The following BMAL2 variants were observed in gnomAD, a reference collection of about 807,000 sequenced individuals.
BMAL2 encodes the protein basic helix-loop-helix ARNT like 2.
chr12:27,345,056 A>C, the BMAL2 span, among the ~76,000 whole-genome samples: 1 of 152,198 alleles, frequency 6.6e-6, no homozygotes, highest in South Asian at 2.1e-4. Flanking sequence ...TTTCTGCCTC[A>C]AACTCTTTTA....
At chr12:27,366,915 A>G in the BMAL2 span, among the ~76,000 whole-genome samples, 1 of 152,232 alleles carries the variant, frequency 6.6e-6, no homozygotes, top group African/African-American at 2.4e-5. Flanking sequence ...TTATGTCACA[A>G]TGACACATAA....
chr12:27,400,640 T>C, the BMAL2 span: 1 of 1,613,824 alleles, frequency 6.2e-7, no homozygotes, highest in East Asian at 2.2e-5. Context: ...ACAACAGTAA[T>C]TTTACCTGCC....
the BMAL2 span, chr12:27,380,361 TAC>T: frequency 1.2e-6 from 2 of 1,614,142 alleles, no homozygotes; most frequent in South Asian, 1.1e-5. Flanking sequence ...TGGACAAACT[TAC>T]AGTTTTAAGA....
At chr12:27,381,579 G>A in the BMAL2 span, among the ~76,000 whole-genome samples, 2 of 152,086 alleles carry the variant, frequency 1.3e-5, no homozygotes, top group Admixed American at 6.6e-5. Flanking sequence ...CCACAAGCAT[G>A]ATCCAGTCAC....
At chr12:27,334,039 A>C in the BMAL2 span, among the ~76,000 whole-genome samples, 1 of 152,218 alleles carries the variant, frequency 6.6e-6, no homozygotes, top group Non-Finnish European at 1.5e-5. Flanking sequence ...TTTTGGAATA[A>C]GATGATAGAG....
At chr12:27,405,137 A>AGGCC in the BMAL2 span, among the ~76,000 whole-genome samples, 24 of 152,280 alleles carry the variant, frequency 1.6e-4, 1 homozygote, top group South Asian at 4.4e-3. Flanking sequence ...CAGCTCAAGG[A>AGGCC]AGCCTGCCTG....
At chr12:27,360,691 TCAAA>T in the BMAL2 span, among the ~76,000 whole-genome samples, 9 of 150,578 alleles carry the variant, frequency 6.0e-5, no homozygotes, top group Non-Finnish European at 1.0e-4. Flanking sequence ...CTTCTGGTTT[TCAAA>T]CAGATTTGTG....
At chr12:27,352,304 T>TTCC in the BMAL2 span, among the ~76,000 whole-genome samples, 3 of 152,240 alleles carry the variant, frequency 2.0e-5, no homozygotes, top group Non-Finnish European at 4.4e-5. Flanking sequence ...CCTAAACTTT[T>TTCC]TGAGTACTGG....
At chr12:27,420,019 G>GCACGCA in the BMAL2 span, among the ~76,000 whole-genome samples, 176 of 147,568 alleles carry the variant, frequency 1.2e-3, no homozygotes, top group Non-Finnish European at 2.2e-3. Context: ...GTTTGCGCGT[G>GCACGCA]CACACACACA....
At chr12:27,338,251 A>T in the BMAL2 span, among the ~76,000 whole-genome samples, 1 of 152,232 alleles carries the variant, frequency 6.6e-6, no homozygotes, top group African/African-American at 2.4e-5. Flanking sequence ...GGGGTTAAAG[A>T]GCTTACAAAA....
the BMAL2 span, among the ~76,000 whole-genome samples, chr12:27,337,953 GTTT>G: frequency 6.6e-6 from 1 of 152,012 alleles, no homozygotes; most frequent in Non-Finnish European, 1.5e-5. Context: ...TCACACTGTA[GTTT>G]TTTTGTGTGC....
At chr12:27,402,853 T>C in the BMAL2 span, among the ~76,000 whole-genome samples, 56,715 of 152,028 alleles carry the variant, frequency 0.37, 11,225 homozygotes, top group East Asian at 0.59. Context: ...CAACGGGAAA[T>C]AGATATCCCA....
the BMAL2 span, among the ~76,000 whole-genome samples, chr12:27,391,986 C>T: frequency 6.6e-6 from 1 of 152,146 alleles, no homozygotes; most frequent in African/African-American, 2.4e-5. Context: ...CAGATTTTAG[C>T]TCTACGACTT....
At chr12:27,381,502 G>A in the BMAL2 span, among the ~76,000 whole-genome samples, 1 of 152,066 alleles carries the variant, frequency 6.6e-6, no homozygotes, top group Non-Finnish European at 1.5e-5. Flanking sequence ...TAGGGGAGGT[G>A]CCACACACTT....
At chr12:27,353,715 C>T in the BMAL2 span, among the ~76,000 whole-genome samples, 1 of 151,846 alleles carries the variant, frequency 6.6e-6, no homozygotes, top group Non-Finnish European at 1.5e-5. Context: ...AGAACTTAAA[C>T]AAATCAACCA....
At chr12:27,356,202 G>A in the BMAL2 span, among the ~76,000 whole-genome samples, 4 of 152,136 alleles carry the variant, frequency 2.6e-5, no homozygotes, top group African/African-American at 9.7e-5. Flanking sequence ...CTGTTTAGGC[G>A]AAGGTGGAAT....
the BMAL2 span, among the ~76,000 whole-genome samples, chr12:27,371,382 G>C: frequency 6.6e-6 from 1 of 152,022 alleles, no homozygotes; most frequent in African/African-American, 2.4e-5. Flanking sequence ...GAGAGAAGAA[G>C]AGAGTCTACA....
the BMAL2 span, among the ~76,000 whole-genome samples, chr12:27,381,006 TATTA>T: frequency 6.6e-6 from 1 of 151,838 alleles, no homozygotes; most frequent in Non-Finnish European, 1.5e-5. Context: ...TGAAGTATAG[TATTA>T]ATTATTAAGT....
the BMAL2 span, among the ~76,000 whole-genome samples, chr12:27,408,743 G>A: frequency 6.6e-6 from 1 of 152,154 alleles, no homozygotes; most frequent in Non-Finnish European, 1.5e-5. Context: ...GTTCTGGCCA[G>A]GGCAATAAGG....
Sources: gnomAD v4.1 joint callset for allele counts (sites outside exome capture counted in the v4.1 genomes callset) on GRCh38, gnomAD v4.1.1 for gene constraint, MANE v1.5 for transcripts, NCBI Gene and HGNC (gene_info 2026-07-23, HGNC 2026-07-21) for gene names.